Variants in ARIH1 observed in about 807,000 individuals in gnomAD.
ARIH1 encodes the protein ariadne RBR E3 ubiquitin protein ligase 1, also known as E3 ubiquitin-protein ligase ARIH1.
ARIH1 carries 8 observed loss-of-function variants against 85.0 expected under a neutral mutation model. The observed-to-expected ratio is 0.09, with a 90% confidence interval of 0.06 to 0.17. ARIH1 has a LOEUF of 0.17. Among genes scored for constraint, ARIH1 ranks in the 10% least tolerant of loss-of-function variants. The pLI is 1.00. For missense variants in ARIH1, 311 were observed against 718.1 expected, an observed-to-expected ratio of 0.43 and a Z score of 6.48; for synonymous variants, 238 against 253.6, an observed-to-expected ratio of 0.94 and a Z score of 0.59.
At chr15:72,542,079 T>G (rs2064109795) in intron 2 of ARIH1, among the ~76,000 whole-genome samples, 1 of 152,160 alleles carries the variant, frequency 6.6e-6, no homozygotes, top group African/African-American at 2.4e-5. Flanking sequence ...GATTTTTGGA[T>G]TGAAATGAAA....
chr15:72,590,432 G>C lies in ARIH1; in HGVS notation c.*7140G>C, dbSNP rs2064338251. 1 of 152,178 alleles carries C rather than the reference G, an allele frequency of 6.6e-6. No homozygotes were observed. The highest frequency in any genetic ancestry group is 2.1e-4 in the South Asian group (1 of 4,816). 9.4% of individuals were successfully genotyped at this position (152,178 alleles called of 1,614,324 possible). A position where few individuals can be genotyped will look rare whatever the true frequency, so the allele number is the denominator to read the frequency against. ...TTGGTGACCTCAGATACACTGTTCA[G>C]AAGTACTCAAAGTATTCCTTTTTTC... On this transcript the variant is annotated 3_prime_UTR_variant, in exon 14 of 14. Transcript: ENST00000379887.
chr15:72,482,417 T>C (rs2063820049), intron 1 of ARIH1, among the ~76,000 whole-genome samples: 1 of 152,174 alleles, frequency 6.6e-6, no homozygotes, highest in Non-Finnish European at 1.5e-5. Flanking sequence ...GGAAGAGACC[T>C]CTGTAGGTGT....
At chr15:72,538,609 C>T (rs543291941) in intron 2 of ARIH1, among the ~76,000 whole-genome samples, 20 of 152,310 alleles carry the variant, frequency 1.3e-4, no homozygotes, top group Non-Finnish European at 1.8e-4. Context: ...CTACCAGCCC[C>T]GTTTCCTCTC....
intron 2 of ARIH1, among the ~76,000 whole-genome samples, chr15:72,523,529 T>TG (rs2064010133): frequency 7.9e-5 from 12 of 151,334 alleles, no homozygotes; most frequent in African/African-American, 2.9e-4. Flanking sequence ...TTTTTTTTTT[T>TG]TGGGTGGGTG....
chr15:72,520,368 T>A (rs529554229), intron 2 of ARIH1, among the ~76,000 whole-genome samples: 5 of 152,026 alleles, frequency 3.3e-5, no homozygotes, highest in African/African-American at 9.6e-5. Context: ...TTTTTTTTTT[T>A]AAAGCATTTG....
chr15:72,578,924 A>T (rs2064283858), intron 11 of ARIH1, among the ~76,000 whole-genome samples: 1 of 149,626 alleles, frequency 6.7e-6, no homozygotes, highest in Non-Finnish European at 1.5e-5. Context: ...AGATGGGATT[A>T]CAGGCACATG....
chr15:72,485,908 A>G (rs1241510983), intron 1 of ARIH1, among the ~76,000 whole-genome samples: 1 of 152,200 alleles, frequency 6.6e-6, no homozygotes, highest in African/African-American at 2.4e-5. Context: ...ATTGGATGAG[A>G]TAGTAATCAG....
chr15:72,546,051 G>A (rs1363199173), intron 3 of ARIH1, among the ~76,000 whole-genome samples: 1 of 152,086 alleles, frequency 6.6e-6, no homozygotes, highest in African/African-American at 2.4e-5. Context: ...TTTGGTTGAT[G>A]GGGGTCTCAC....
At chr15:72,510,233 A>G (rs924475109) in intron 1 of ARIH1, among the ~76,000 whole-genome samples, 6 of 152,194 alleles carry the variant, frequency 3.9e-5, no homozygotes, top group Admixed American at 6.5e-5. Context: ...ATTTGCAGGT[A>G]TCTTCTCCTA....
chr15:72,516,865 G>C (rs2063977357), intron 1 of ARIH1, among the ~76,000 whole-genome samples: 1 of 152,150 alleles, frequency 6.6e-6, no homozygotes, highest in South Asian at 2.1e-4. Flanking sequence ...ATCTTTTTTG[G>C]AAGGTTATTT....
At chr15:72,487,999 C>A (rs1397753702) in intron 1 of ARIH1, among the ~76,000 whole-genome samples, 1 of 152,006 alleles carries the variant, frequency 6.6e-6, no homozygotes, top group African/African-American at 2.4e-5. Context: ...TTTGTTCATA[C>A]TTGTCCCTCT....
rs1222513851 is a variant in ARIH1 at position 72,520,291 on chromosome 15, CTT to C, written c.443+2161_443+2162del. Among the ~76,000 whole-genome samples, 3 of 151,074 alleles carry C rather than the reference CTT, an allele frequency of 2.0e-5. No individual in the cohort carries two copies. In the South Asian group the frequency reaches 6.2e-4, roughly 31 times the overall value. On this transcript the variant is annotated intron_variant, in intron 2 of 13. Coordinates refer to ENST00000379887, the MANE Select transcript of ARIH1 (RefSeq NM_005744.5). ...TGTCTTTAAAATCAATATGCAATAT[CTT>C]TTTGTCTCATTTAATGATTTTCACA...
intron 1 of ARIH1, 100 bp downstream of exon 1, chr15:72,475,114 C>T: frequency 1.4e-6 from 2 of 1,473,164 alleles, no homozygotes; most frequent in South Asian, 1.3e-5. Context: ...TGGTGCGCAG[C>T]CTAGCCCGGT....
At chr15:72,579,654 A>G (rs970706063) in intron 11 of ARIH1, among the ~76,000 whole-genome samples, 1 of 152,190 alleles carries the variant, frequency 6.6e-6, no homozygotes, top group African/African-American at 2.4e-5. Flanking sequence ...TTGAATTTTA[A>G]GTAGTCAGGT....
intron 1 of ARIH1, among the ~76,000 whole-genome samples, chr15:72,509,892 G>GC (rs1410041121): frequency 6.7e-6 from 1 of 150,354 alleles, no homozygotes; most frequent in Admixed American, 6.6e-5. Flanking sequence ...GCCCACTCCA[G>GC]CCCCACCTTT....
At chr15:72,527,228 C>T (rs72735166) in intron 2 of ARIH1, among the ~76,000 whole-genome samples, 2 of 152,142 alleles carry the variant, frequency 1.3e-5, no homozygotes, top group Non-Finnish European at 2.9e-5. Flanking sequence ...ATGCCAAAAT[C>T]AGAATGTCAA....
At chr15:72,576,228 G>A (rs1195303731) in intron 11 of ARIH1, among the ~76,000 whole-genome samples, 5 of 152,068 alleles carry the variant, frequency 3.3e-5, no homozygotes, top group African/African-American at 9.7e-5. Flanking sequence ...GATAGGGGCC[G>A]GGCGCGGTGG....
intron 9 of ARIH1, 78 bp downstream of exon 9, chr15:72,567,255 G>T: frequency 2.7e-6 from 3 of 1,103,542 alleles, no homozygotes; most frequent in South Asian, 1.4e-5. Flanking sequence ...AAGCAATGAG[G>T]TGACCTACTT....
chr15:72,565,543 A>C (rs2064215636), intron 7 of ARIH1, among the ~76,000 whole-genome samples: 1 of 152,200 alleles, frequency 6.6e-6, no homozygotes, highest in Admixed American at 6.5e-5. Context: ...GCTCACAGAG[A>C]TTAAGTATGT....
Sources: allele counts gnomAD v4.1 joint callset (sites outside exome capture counted in the v4.1 genomes callset), GRCh38; gene constraint gnomAD v4.1.1; transcripts MANE v1.5; gene names NCBI Gene and HGNC (gene_info 2026-07-23, HGNC 2026-07-21).